RABGAP1L: variants seen among roughly 807,000 people sequenced by gnomAD.
RABGAP1L encodes the protein RAB GTPase activating protein 1 like.
In RABGAP1L, 63 loss-of-function variants were observed where a neutral mutation model predicts 137.7. That is an observed-to-expected ratio of 0.46 (90% CI 0.37 to 0.56). RABGAP1L has a LOEUF of 0.56. Among genes scored for constraint, RABGAP1L ranks in the 20% least tolerant of loss-of-function variants. RABGAP1L has a pLI of 0.00. For synonymous variants in RABGAP1L, 431 were observed against 433.7 expected (o/e 0.99, Z 0.08); for missense variants, 1,095 against 1,244.0 (o/e 0.88, Z 1.80).
chr1:174,240,446 C>T (rs985327337), intron 4 of RABGAP1L, among the ~76,000 whole-genome samples: 2 of 152,198 alleles, frequency 1.3e-5, no homozygotes, highest in African/African-American at 4.8e-5. Flanking sequence ...TGGGATTTCA[C>T]CGTGTTGGTC....
chr1:174,712,311 C>T (rs552213697), intron 17 of RABGAP1L, among the ~76,000 whole-genome samples: 5 of 152,174 alleles, frequency 3.3e-5, no homozygotes, highest in East Asian at 3.9e-4. Context: ...TCTTTGGGTC[C>T]GCACTGCCTT....
At chr1:174,556,344 G>T (rs1191608482) in intron 13 of RABGAP1L, among the ~76,000 whole-genome samples, 1 of 152,104 alleles carries the variant, frequency 6.6e-6, no homozygotes, top group African/African-American at 2.4e-5. Context: ...ATTTTAGAAA[G>T]ATTAGAATAT....
intron 14 of RABGAP1L, among the ~76,000 whole-genome samples, chr1:174,664,719 CTTTCTTTCTGCT>C (rs2148429029): frequency 8.3e-6 from 1 of 119,930 alleles, no homozygotes; most frequent in South Asian, 2.6e-4. Flanking sequence ...CTCTTTCTTT[CTTTCTTTCTGCT>C]TTCTTTTTTT....
chr1:174,931,730 C>G (rs762935781), intron 19 of RABGAP1L, among the ~76,000 whole-genome samples: 1 of 152,094 alleles, frequency 6.6e-6, no homozygotes, highest in Non-Finnish European at 1.5e-5. Context: ...CTAAAGAAAG[C>G]AAAAGATGAC....
chr1:174,788,255 A>C (rs1687605630), intron 18 of RABGAP1L, among the ~76,000 whole-genome samples: 1 of 152,192 alleles, frequency 6.6e-6, no homozygotes, highest in Non-Finnish European at 1.5e-5. Context: ...TGGAACTTTG[A>C]GAGAGCCACT....
At chr1:174,597,437 C>T (rs1285816160) in intron 13 of RABGAP1L, among the ~76,000 whole-genome samples, 2 of 151,972 alleles carry the variant, frequency 1.3e-5, no homozygotes, top group Non-Finnish European at 2.9e-5. Context: ...CTGGTTCAAT[C>T]TTGGTAGGTT....
intron 13 of RABGAP1L, among the ~76,000 whole-genome samples, chr1:174,521,077 T>G (rs1306013292): frequency 2.6e-5 from 4 of 152,206 alleles, no homozygotes; most frequent in Non-Finnish European, 5.9e-5. Context: ...AGGTGGTTCA[T>G]GTAATCTGAA....
At chr1:174,487,037 T>C (rs1659740738) in intron 13 of RABGAP1L, among the ~76,000 whole-genome samples, 1 of 152,208 alleles carries the variant, frequency 6.6e-6, no homozygotes, top group Admixed American at 6.5e-5. Flanking sequence ...ATTTTGTGAC[T>C]TAACATATGA....
intron 11 of RABGAP1L, among the ~76,000 whole-genome samples, chr1:174,322,712 T>C (rs757298911): frequency 6.6e-6 from 1 of 152,182 alleles, no homozygotes; most frequent in Non-Finnish European, 1.5e-5. Flanking sequence ...TACTGTATTC[T>C]ATAGAAGACT....
At chr1:174,308,624 T>C (rs1342810532) in intron 11 of RABGAP1L, among the ~76,000 whole-genome samples, 1 of 152,130 alleles carries the variant, frequency 6.6e-6, no homozygotes, top group African/African-American at 2.4e-5. Context: ...AACCATTTAT[T>C]TGAAGAGACT....
chr1:174,654,531 C>G (rs986489527), intron 14 of RABGAP1L, among the ~76,000 whole-genome samples: 1 of 152,012 alleles, frequency 6.6e-6, no homozygotes, highest in African/African-American at 2.4e-5. Flanking sequence ...GTATTAGACC[C>G]TATTTAAAAA....
intron 13 of RABGAP1L, among the ~76,000 whole-genome samples, chr1:174,527,204 GTT>G (rs57011947): frequency 1.6e-4 from 19 of 119,620 alleles, no homozygotes; most frequent in Middle Eastern, 4.5e-3. Context: ...TTTTTATTTT[GTT>G]TTTTTTTTTT....
intron 13 of RABGAP1L, among the ~76,000 whole-genome samples, chr1:174,629,254 A>T (rs1057185599): frequency 2.0e-5 from 3 of 152,240 alleles, no homozygotes; most frequent in Non-Finnish European, 2.9e-5. Context: ...GGTTGACATT[A>T]GCTTTTGCTT....
intron 9 of RABGAP1L, among the ~76,000 whole-genome samples, chr1:174,277,982 G>GC (rs1185060641): frequency 1.3e-5 from 2 of 152,102 alleles, no homozygotes; most frequent in Non-Finnish European, 2.9e-5. Flanking sequence ...TCTAGTGGTG[G>GC]CCTTGGTTAT....
intron 13 of RABGAP1L, among the ~76,000 whole-genome samples, chr1:174,474,727 C>T (rs891713768): frequency 2.0e-5 from 3 of 152,080 alleles, no homozygotes; most frequent in Non-Finnish European, 4.4e-5. Context: ...CTCAGCCTCC[C>T]GAGTAGCTGG....
rs534537969 is a variant in RABGAP1L at position 174,345,848 on chromosome 1, T to A, written c.1466-25131T>A. ...TATCTTAGAGGAAAGACTTTCAGTT[T>A]TCACCCATTCACAGTGATACTAGCT... On this transcript the variant is annotated intron_variant, in intron 11 of 25. Coordinates refer to ENST00000681986, the MANE Select transcript of RABGAP1L (RefSeq NM_001366446.1). Among the ~76,000 whole-genome samples, 3 of 152,298 alleles carry A rather than the reference T, an allele frequency of 2.0e-5. No homozygotes were observed. The South Asian group carries it at 6.2e-4, about 32-fold the overall frequency.
chr1:174,366,847 T>C (rs1419878516), intron 11 of RABGAP1L, among the ~76,000 whole-genome samples: 1 of 151,104 alleles, frequency 6.6e-6, no homozygotes, highest in East Asian at 2.0e-4. Flanking sequence ...CATTTTCTTC[T>C]GCTCAAGGAA....
intron 10 of RABGAP1L, among the ~76,000 whole-genome samples, chr1:174,292,019 TTTATTATTATTATTA>T (rs60906954): frequency 8.6e-5 from 12 of 139,036 alleles, no homozygotes; most frequent in Admixed American, 3.6e-4. Flanking sequence ...GATTAGATCA[TTTATTATTATTATTA>T]TTATTATTAT....
chr1:174,345,538 A>G (rs765625839), intron 11 of RABGAP1L, among the ~76,000 whole-genome samples: 3 of 151,836 alleles, frequency 2.0e-5, no homozygotes, highest in Non-Finnish European at 4.4e-5. Flanking sequence ...GTATTTAATT[A>G]TTTTTTAGAT....
Sources: allele counts gnomAD v4.1 joint callset (sites outside exome capture counted in the v4.1 genomes callset), GRCh38; gene constraint gnomAD v4.1.1; transcripts MANE v1.5; gene names NCBI Gene and HGNC (gene_info 2026-07-23, HGNC 2026-07-21).